The following KIAA1328 variants were observed in gnomAD, a reference collection of about 807,000 sequenced individuals.
The protein encoded by KIAA1328 is protein hinderin.
KIAA1328 carries 52 observed loss-of-function variants against 68.1 expected under a neutral mutation model. The ratio of observed to expected loss-of-function variants is 0.76; its 90% CI spans 0.61 to 0.96. The LOEUF (loss-of-function observed/expected upper bound fraction) is 0.96, where lower values mean the gene tolerates loss of function less well. Ranked by LOEUF, KIAA1328 falls within the 40% of genes least tolerant of loss-of-function variation. The probability of loss-of-function intolerance (pLI) is 0.00; values close to 1 mark genes in which losing one functional copy is unlikely to be tolerated. For synonymous variants in KIAA1328, 232 were observed against 239.4 expected, an observed-to-expected ratio of 0.97 and a Z score of 0.28; for missense variants, 641 against 677.6, an observed-to-expected ratio of 0.95 and a Z score of 0.60.
At chr18:37,228,111 A>G (rs1318694652), downstream of KIAA1328, among the ~76,000 whole-genome samples, 2 of 152,214 alleles carry the variant, frequency 1.3e-5, no homozygotes, top group Non-Finnish European at 1.5e-5. Context: ...AGTGAAGCTA[A>G]AGATGTGACT....
chr18:37,117,418 C>T (rs932022315), intron 7 of KIAA1328, among the ~76,000 whole-genome samples: 1 of 152,192 alleles, frequency 6.6e-6, no homozygotes, highest in Non-Finnish European at 1.5e-5. Flanking sequence ...CACATGTTCT[C>T]ACTCATAGGT....
At chr18:37,193,524 A>G in intron 9 of KIAA1328, 1 of 673,324 alleles carries the variant, frequency 1.5e-6, no homozygotes, top group Non-Finnish European at 2.7e-6. Flanking sequence ...TCAGAATTTC[A>G]GATGAATATT....
intron 9 of KIAA1328, among the ~76,000 whole-genome samples, chr18:37,206,227 G>A (rs971441836): frequency 2.6e-5 from 4 of 152,094 alleles, no homozygotes; most frequent in East Asian, 1.9e-4. Flanking sequence ...GAATTCTAAG[G>A]TTTGGGATTT....
intron 7 of KIAA1328, among the ~76,000 whole-genome samples, chr18:37,081,166 G>C (rs994021293): frequency 2.6e-5 from 4 of 152,056 alleles, no homozygotes; most frequent in Admixed American, 2.6e-4. Flanking sequence ...ATTTTTAGTA[G>C]AGACAGGGTT....
chr18:36,867,941 T>C (rs1299371980), intron 4 of KIAA1328, among the ~76,000 whole-genome samples: 1 of 152,184 alleles, frequency 6.6e-6, no homozygotes, highest in African/African-American at 2.4e-5. Context: ...AATCTCTGGT[T>C]CATAATTAAA....
At chr18:36,957,052 CT>C (rs2051448624) in intron 5 of KIAA1328, among the ~76,000 whole-genome samples, 1 of 152,182 alleles carries the variant, frequency 6.6e-6, no homozygotes, top group Non-Finnish European at 1.5e-5. Flanking sequence ...ACCAGCTCCT[CT>C]TCTATCATCT....
At chr18:37,121,080 A>G (rs889674174) in intron 7 of KIAA1328, among the ~76,000 whole-genome samples, 4 of 152,096 alleles carry the variant, frequency 2.6e-5, no homozygotes, top group Non-Finnish European at 5.9e-5. Context: ...AAAAACCAAA[A>G]CCATGAAGCT....
intron 6 of KIAA1328, among the ~76,000 whole-genome samples, chr18:37,018,397 T>A (rs899503917): frequency 1.3e-5 from 2 of 152,168 alleles, no homozygotes; most frequent in Admixed American, 6.6e-5. Context: ...CCTTTAAGAT[T>A]TTTTTCATTT....
At chr18:36,863,142 CTAGAAT>C (rs1191088163) in intron 4 of KIAA1328, among the ~76,000 whole-genome samples, 1 of 151,904 alleles carries the variant, frequency 6.6e-6, no homozygotes, top group African/African-American at 2.4e-5. Flanking sequence ...TGAATTTTTC[CTAGAAT>C]AAAAGTTTTG....
intron 7 of KIAA1328, among the ~76,000 whole-genome samples, chr18:37,119,404 T>C (rs539552655): frequency 1.3e-5 from 2 of 152,152 alleles, no homozygotes; most frequent in Non-Finnish European, 2.9e-5. Flanking sequence ...AACCCGAAAT[T>C]TATTTTCTCA....
At chr18:37,047,509 C>G (rs947336175) in intron 6 of KIAA1328, among the ~76,000 whole-genome samples, 1 of 152,118 alleles carries the variant, frequency 6.6e-6, no homozygotes, top group Non-Finnish European at 1.5e-5. Context: ...TCTGGACTCC[C>G]TAGAGTTCAC....
At chr18:37,011,214 C>T (rs150509122) in intron 6 of KIAA1328, among the ~76,000 whole-genome samples, 3 of 152,270 alleles carry the variant, frequency 2.0e-5, no homozygotes, top group Non-Finnish European at 4.4e-5. Context: ...GGAAACAGTG[C>T]ATATGTGATC....
downstream of KIAA1328, among the ~76,000 whole-genome samples, chr18:37,228,937 CT>C (rs1314933682): frequency 6.6e-6 from 1 of 152,182 alleles, no homozygotes; most frequent in East Asian, 1.9e-4. Context: ...CAGTTGCACA[CT>C]TAGTGGACTA....
chr18:37,080,950 G>A (rs910762431), intron 7 of KIAA1328, among the ~76,000 whole-genome samples: 13 of 151,634 alleles, frequency 8.6e-5, no homozygotes, highest in Non-Finnish European at 1.3e-4. Flanking sequence ...GAGATGCCCG[G>A]AGAAACAGAG....
At chr18:36,999,638 A>G (rs1335110198) in intron 6 of KIAA1328, among the ~76,000 whole-genome samples, 2 of 152,182 alleles carry the variant, frequency 1.3e-5, no homozygotes, top group East Asian at 3.8e-4. Context: ...AAACAAAACA[A>G]AATGAAAACC....
intron 9 of KIAA1328, among the ~76,000 whole-genome samples, chr18:37,200,926 C>CT (rs2060100911): frequency 6.6e-6 from 1 of 151,112 alleles, no homozygotes; most frequent in African/African-American, 2.4e-5. Context: ...AAAAATCTTT[C>CT]TTCTTGAAAG....
chr18:37,203,564 A>C (rs1197807420), intron 9 of KIAA1328, among the ~76,000 whole-genome samples: 10 of 152,222 alleles, frequency 6.6e-5, no homozygotes, highest in Admixed American at 6.5e-4. Context: ...TAGTAACCCT[A>C]ATTTTCAGTG....
chr18:36,980,004 G>A (rs1351149042), intron 6 of KIAA1328, among the ~76,000 whole-genome samples: 3 of 152,090 alleles, frequency 2.0e-5, no homozygotes, highest in African/African-American at 7.2e-5. Flanking sequence ...AGAACTTGAA[G>A]GAGTGGGTTC....
chr18:36,875,389 TG>T (rs1374294337), intron 4 of KIAA1328, among the ~76,000 whole-genome samples: 2 of 152,188 alleles, frequency 1.3e-5, no homozygotes, highest in African/African-American at 4.8e-5. Flanking sequence ...TTGCAACCCT[TG>T]TAAGTTGTAT....
Sources: allele counts gnomAD v4.1 joint callset (sites outside exome capture counted in the v4.1 genomes callset), GRCh38; gene constraint gnomAD v4.1.1; transcripts MANE v1.5; gene names NCBI Gene and HGNC (gene_info 2026-07-23, HGNC 2026-07-21).